MAGED1: variants seen among roughly 807,000 people sequenced by gnomAD.
MAGED1 encodes MAGE family member D1.
In MAGED1, 3 loss-of-function variants were observed where a neutral mutation model predicts 54.1. The observed-to-expected ratio is 0.06, with a 90% CI of 0.03 to 0.14. The LOEUF (loss-of-function observed/expected upper bound fraction) is 0.14, where lower values mean the gene tolerates loss of function less well. Ranked by LOEUF, MAGED1 falls within the 10% of genes least tolerant of loss-of-function variation. The pLI is 1.00. For synonymous variants in MAGED1, 217 were observed against 227.3 expected (o/e 0.95, Z 0.41); for missense variants, 485 against 623.4 (o/e 0.78, Z 2.36).
chrX:51,851,349 C>T (rs781946915), intron 1 of MAGED1, among the ~76,000 whole-genome samples: 3 of 111,505 alleles, frequency 2.7e-5, no homozygotes, highest in Non-Finnish European at 5.6e-5. Flanking sequence ...CCTAATTTGC[C>T]GGAATAAATC....
intron 1 of MAGED1, among the ~76,000 whole-genome samples, chrX:51,886,787 G>T (rs1373823386): frequency 1.8e-5 from 2 of 111,503 alleles, no homozygotes; most frequent in African/African-American, 6.5e-5. Context: ...GGGCACAGTG[G>T]CTCACACTTG....
intron 1 of MAGED1, among the ~76,000 whole-genome samples, chrX:51,820,881 C>T (rs1925600820): frequency 9.0e-6 from 1 of 111,150 alleles, no homozygotes; most frequent in Non-Finnish European, 1.9e-5. Context: ...TAATTTTGTA[C>T]CCTTTAACTA....
chrX:51,901,102 CTT>C (rs1929001674), intron 11 of MAGED1, among the ~76,000 whole-genome samples: 1 of 111,973 alleles, frequency 8.9e-6, no homozygotes, highest in Non-Finnish European at 1.9e-5. Flanking sequence ...AAAATGTACT[CTT>C]TTAGCAATTT....
At chrX:51,844,661 A>G (rs1926619264) in intron 1 of MAGED1, among the ~76,000 whole-genome samples, 1 of 111,795 alleles carries the variant, frequency 8.9e-6, no homozygotes, top group South Asian at 3.8e-4. Flanking sequence ...GCCTTTTGCT[A>G]CTGCCTTGGA....
chrX:51,886,304 T>C (rs782199282), intron 1 of MAGED1, among the ~76,000 whole-genome samples: 1 of 110,947 alleles, frequency 9.0e-6, no homozygotes, highest in East Asian at 2.8e-4. Context: ...TACAAAGAAA[T>C]GATAAATGTT....
chrX:51,820,980 C>T (rs1925606460), intron 1 of MAGED1, among the ~76,000 whole-genome samples: 2 of 111,751 alleles, frequency 1.8e-5, no homozygotes, highest in Middle Eastern at 4.6e-3. Flanking sequence ...TCTATGAGAT[C>T]AGCTTTTTTA....
chrX:51,816,805 A>G (rs1185936152), intron 1 of MAGED1, among the ~76,000 whole-genome samples: 1 of 111,957 alleles, frequency 8.9e-6, no homozygotes, highest in African/African-American at 3.2e-5. Context: ...TGACCCAATT[A>G]GAATCCAGAA....
intron 1 of MAGED1, among the ~76,000 whole-genome samples, chrX:51,873,501 T>C (rs1417859254): frequency 3.3e-5 from 3 of 90,210 alleles, no homozygotes; most frequent in African/African-American, 1.2e-4. Context: ...GTGAATGAGA[T>C]AGTGTGTTAG....
At chrX:51,856,879 C>CT (rs1410118646) in intron 1 of MAGED1, 88 of 111,471 alleles carry the variant, frequency 7.9e-4, no homozygotes, top group African/African-American at 2.8e-3. Context: ...GAAAGGCAAG[C>CT]TAGATGCATA....
intron 1 of MAGED1, among the ~76,000 whole-genome samples, chrX:51,854,878 T>A (rs1001254409): frequency 1.8e-5 from 2 of 111,450 alleles, no homozygotes; most frequent in Non-Finnish European, 3.8e-5. Context: ...CTCCTGAAGA[T>A]CTCTTACCGT....
rs782377080 is a variant in MAGED1, at chrX:51,818,848, C to G, written c.-37+15731C>G. On this transcript the variant is annotated intron_variant, in intron 1 of 12. Coordinates refer to the MAGED1 transcript ENST00000375772. ...TAAATCAAGTTAACACATTTATCTT[C>G]ACATAGTGAAGGTCAAACATAAGGT... Among the ~76,000 whole-genome samples the G allele has an allele frequency of 4.5e-5, 5 of 112,199 alleles. No homozygotes were observed. The East Asian group carries it at 1.4e-3, about 32-fold the overall frequency.
chrX:51,896,848 G>T lies in MAGED1; in HGVS notation c.1193G>T (p.Trp398Leu), dbSNP rs781858162. ...CCGGGCTGGCAGGGTCCTCCAGACT[G>T]GCAAGGTCCTCCTGACTGGCCGCTA... ...TPPGWQGPPDWQGPPDWPLPP... is the reference protein window; with the variant it reads ...TPPGWQGPPDLQGPPDWPLPP... The change falls in exon 4 of 13, where the codon TGG (tryptophan) becomes TTG (leucine). Residue 398 changes from tryptophan (W) to leucine (L), a missense_variant. Physicochemically the swap from Trp to Leu is moderately conservative, Grantham distance 61 (BLOSUM62 -2). Transcript: ENST00000326587. 1.7e-6 allele frequency: 2 copies of T among 1,201,852 alleles called. No homozygotes were observed. The highest frequency in any genetic ancestry group is 3.5e-5 in the African/African-American group (2 of 57,078).
chrX:51,900,263 T>G lies in MAGED1; in HGVS notation c.1926T>G (p.Thr642=). Reference sequence around the variant, plus strand: ...GGGGCCTCCGTTCCTACCATGAGACTAGCAAGATGAAAGTGCTGAGATTCA... The same window carrying G: ...GGGGCCTCCGTTCCTACCATGAGACGAGCAAGATGAAAGTGCTGAGATTCA... ...FLWGLRSYHE[T]SKMKVLRFIA... Residue 642 remains threonine, a synonymous_variant, in exon 11 of 13, where the codon ACT becomes ACG. Transcript: ENST00000326587. The G allele has an allele frequency of 6.6e-6, 8 of 1,208,054 alleles. No homozygotes were observed. Among genetic ancestry groups the G allele is most frequent in the Non-Finnish European group, 9.0e-6 (8 of 893,320 alleles).
At chrX:51,900,024 G>T (rs1928937878) in intron 10 of MAGED1, 158 bp from the exon 11 acceptor site, 3 of 441,509 alleles carry the variant, frequency 6.8e-6, no homozygotes, top group Non-Finnish European at 1.2e-5. Flanking sequence ...GGAATTTAAG[G>T]CTTGATGATT....
intron 1 of MAGED1, among the ~76,000 whole-genome samples, chrX:51,851,578 T>C (rs1191440872): frequency 1.8e-5 from 2 of 110,438 alleles, no homozygotes; most frequent in African/African-American, 3.3e-5. Context: ...ATAACAGTTA[T>C]GGTAATGTGG....
chrX:51,809,350 G>A (rs1219072837), intron 1 of MAGED1, among the ~76,000 whole-genome samples: 1 of 111,181 alleles, frequency 9.0e-6, no homozygotes, highest in Non-Finnish European at 1.9e-5. Flanking sequence ...TCCTGACTTT[G>A]TGATCCACCC....
At chrX:51,859,612 T>C (rs1332373795) in intron 1 of MAGED1, among the ~76,000 whole-genome samples, 1 of 111,840 alleles carries the variant, frequency 8.9e-6, no homozygotes, top group Non-Finnish European at 1.9e-5. Flanking sequence ...CCTGTGAATA[T>C]ATATTACCTG....
chrX:51,883,167 C>T (rs781937540), intron 1 of MAGED1, among the ~76,000 whole-genome samples: 1 of 110,979 alleles, frequency 9.0e-6, no homozygotes, highest in African/African-American at 3.3e-5. Flanking sequence ...CATTCTAGTC[C>T]CCTCAGTTAG....
At chrX:51,825,804 A>T (rs575070214) in intron 1 of MAGED1, among the ~76,000 whole-genome samples, 1 of 112,093 alleles carries the variant, frequency 8.9e-6, no homozygotes, top group South Asian at 3.8e-4. Flanking sequence ...AAAATATCAG[A>T]ACTCTTCAAA....
Sources: allele counts gnomAD v4.1 joint callset (sites outside exome capture counted in the v4.1 genomes callset), GRCh38; gene constraint gnomAD v4.1.1; transcripts MANE v1.5; gene names NCBI Gene and HGNC (gene_info 2026-07-23, HGNC 2026-07-21).